The following ORC3 variants were observed in gnomAD, a reference collection of about 807,000 sequenced individuals.
ORC3 encodes the protein origin recognition complex subunit 3, also known as homolog of latheo, Drosophila.
Under a neutral mutation model 100.7 loss-of-function variants are expected in ORC3, and 78 were observed. That is an observed-to-expected ratio of 0.77 (90% CI 0.65 to 0.94). ORC3 has a LOEUF of 0.94. Among genes scored for constraint, ORC3 ranks in the 40% least tolerant of loss-of-function variants. The probability of loss-of-function intolerance (pLI) is 0.00; values close to 1 mark genes in which losing one functional copy is unlikely to be tolerated. For missense variants in ORC3, 789 were observed against 823.9 expected (o/e 0.96, Z 0.52); for synonymous variants, 295 against 289.3 (o/e 1.02, Z -0.20).
rs561182751 is a variant in ORC3 at position 87,624,360 on chromosome 6, T to C, written c.1185+2347T>C. ...TTAGCCGGGCATAGTGGTGCATGCC[T>C]GTAATCTGAGCTACTCCAGAGGCTG... is the stretch of plus-strand genomic sequence containing the variant. On this transcript the variant is annotated intron_variant, in intron 11 of 19. Transcript: ENST00000392844. 3.3e-5 allele frequency among the ~76,000 whole-genome samples: 5 copies of C among 152,214 alleles called. No homozygotes were observed. The East Asian group carries it at 7.7e-4, about 24-fold the overall frequency.
At chr6:87,614,060 G>T (rs2128256992) in intron 8 of ORC3, among the ~76,000 whole-genome samples, 1 of 152,336 alleles carries the variant, frequency 6.6e-6, no homozygotes, top group South Asian at 2.1e-4. Context: ...TGCCCTAGCA[G>T]AGGTTCTCCA....
At chr6:87,611,508 C>T (rs773885785) in intron 7 of ORC3, among the ~76,000 whole-genome samples, 5 of 151,982 alleles carry the variant, frequency 3.3e-5, no homozygotes, top group South Asian at 2.1e-4. Context: ...ATCTTCGGCC[C>T]GGGCATGGTG....
chr6:87,653,060 T>C, intron 13 of ORC3, 56 bp from the exon 14 acceptor site: 1 of 1,389,808 alleles, frequency 7.2e-7, no homozygotes, highest in South Asian at 1.5e-5. Flanking sequence ...ATAAAATGTT[T>C]TTTAAGTGTT....
At chr6:87,664,616 C>A in intron 17 of ORC3, 127 bp from the exon 18 acceptor site, 1 of 710,868 alleles carries the variant, frequency 1.4e-6, no homozygotes, top group Non-Finnish European at 2.4e-6. Context: ...GACTCACTCA[C>A]TAAATAAGGG....
Position 87,609,359 on chromosome 6 carries a change from T to C in ORC3, c.713+130T>C, listed in dbSNP as rs1236992405. The C allele has an allele frequency of 3.5e-5, 22 of 632,712 alleles. 1 individual carries two copies. The South Asian group carries it at 4.2e-4, about 12-fold the overall frequency. The allele number at this position is 632,712 out of a possible 1,614,324, so 39.2% of individuals were successfully genotyped here. On this transcript the variant is annotated intron_variant, in intron 7 of 19. Transcript: ENST00000392844. ...ATCAAAGTATTCAAATTCTTTATAA[T>C]TGAATATTCAAAGACTTCCTATCAG...
intron 2 of ORC3, among the ~76,000 whole-genome samples, chr6:87,598,885 C>T (rs1006691014): frequency 7.9e-5 from 12 of 152,298 alleles, no homozygotes; most frequent in Admixed American, 5.9e-4. Context: ...ACTGAAGACA[C>T]TTGGGCACGT....
intron 13 of ORC3, among the ~76,000 whole-genome samples, chr6:87,637,480 T>G (rs951277193): frequency 3.9e-5 from 6 of 152,226 alleles, no homozygotes; most frequent in Non-Finnish European, 8.8e-5. Context: ...TCTTCTTTTT[T>G]TTTACCCATA....
chr6:87,609,236 G>T lies in ORC3; in HGVS notation c.713+7G>T. The stretch of plus-strand genomic sequence containing the variant: ...ACTTCATAATTATCAGCAGGTAGAT[G>T]GTGTATTACCTGGCTTTTATGAAAA... On this transcript the variant is annotated splice_region_variant and intron_variant, in intron 7 of 19. Coordinates refer to ENST00000392844, the MANE Select transcript of ORC3 (RefSeq NM_012381.4). The T allele has an allele frequency of 6.4e-7, 1 of 1,569,452 alleles. No homozygotes were observed. Among genetic ancestry groups the T allele is most frequent in the Non-Finnish European group, 8.6e-7 (1 of 1,163,562 alleles).
chr6:87,670,918 G>A (rs181022848), downstream of ORC3, among the ~76,000 whole-genome samples: 4 of 152,240 alleles, frequency 2.6e-5, no homozygotes, highest in Non-Finnish European at 5.9e-5. Context: ...GTCAAAAGTG[G>A]TGAAAAAATT....
chr6:87,592,135 G>A (rs1490058467), intron 1 of ORC3, among the ~76,000 whole-genome samples: 1 of 152,204 alleles, frequency 6.6e-6, no homozygotes, highest in East Asian at 1.9e-4. Context: ...GTTCCAAATG[G>A]TTAACCATGT....
At chr6:87,669,944 A>T (rs1186850122), downstream of ORC3, among the ~76,000 whole-genome samples, 1 of 152,242 alleles carries the variant, frequency 6.6e-6, no homozygotes, top group Non-Finnish European at 1.5e-5. Flanking sequence ...AACAACACTC[A>T]TACAGCAAGA....
the ORC3 span, among the ~76,000 whole-genome samples, chr6:87,676,619 ACACAC>A: frequency 2.0e-5 from 3 of 149,796 alleles, no homozygotes; most frequent in African/African-American, 7.4e-5. Flanking sequence ...ACACACACAC[ACACAC>A]ACAAACATAG....
chr6:87,597,680 TACAC>T (rs55758892), intron 2 of ORC3, among the ~76,000 whole-genome samples: 24,808 of 138,360 alleles, frequency 0.18, 2,089 homozygotes, highest in East Asian at 0.24. Flanking sequence ...TATATATATA[TACAC>T]ACACACACAC....
At chr6:87,647,114 CT>C (rs1768856914) in intron 13 of ORC3, among the ~76,000 whole-genome samples, 1 of 152,186 alleles carries the variant, frequency 6.6e-6, no homozygotes, top group African/African-American at 2.4e-5. Context: ...CCTACAGGTT[CT>C]TCTCAAAGTA....
chr6:87,603,225 G>T (rs915568420), intron 3 of ORC3, among the ~76,000 whole-genome samples, 159 bp from the exon 4 acceptor site: 3 of 151,634 alleles, frequency 2.0e-5, no homozygotes, highest in Admixed American at 6.6e-5. Flanking sequence ...GGAACCCAGA[G>T]CACTAATTAC....
intron 11 of ORC3, among the ~76,000 whole-genome samples, chr6:87,623,276 A>G (rs1023536124): frequency 6.6e-6 from 1 of 152,246 alleles, no homozygotes; most frequent in Non-Finnish European, 1.5e-5. Flanking sequence ...AGTCACTTCT[A>G]GATTGGGCTC....
At chr6:87,630,256 G>A (rs1390734975) in intron 11 of ORC3, among the ~76,000 whole-genome samples, 1 of 152,072 alleles carries the variant, frequency 6.6e-6, no homozygotes, top group Non-Finnish European at 1.5e-5. Flanking sequence ...AATTAGCCGG[G>A]TGTGGTGGTG....
chr6:87,638,702 G>C (rs1211378573), intron 13 of ORC3, among the ~76,000 whole-genome samples: 7 of 152,084 alleles, frequency 4.6e-5, no homozygotes, highest in African/African-American at 7.2e-5. Context: ...CTCATGAAAT[G>C]GGTTGCAGCA....
chr6:87,629,647 A>G (rs1359958086), intron 11 of ORC3, among the ~76,000 whole-genome samples: 4 of 152,192 alleles, frequency 2.6e-5, no homozygotes, highest in African/African-American at 9.7e-5. Context: ...TAGTGTGCCC[A>G]TCACCTGAAT....
Sources: gnomAD v4.1 joint callset for allele counts (sites outside exome capture counted in the v4.1 genomes callset) on GRCh38, gnomAD v4.1.1 for gene constraint, MANE v1.5 for transcripts, NCBI Gene and HGNC (gene_info 2026-07-23, HGNC 2026-07-21) for gene names.